Variants in JMY observed in about 807,000 individuals in gnomAD.
JMY encodes junction-mediating and -regulatory protein.
JMY carries 46 observed loss-of-function variants against 103.3 expected under a neutral mutation model. That is an observed-to-expected ratio of 0.45 (90% CI 0.35 to 0.57). The LOEUF (loss-of-function observed/expected upper bound fraction) is 0.57. Among genes scored for constraint, JMY ranks in the 20% least tolerant of loss-of-function variants. JMY has a pLI of 0.00. For synonymous variants in JMY, 526 were observed against 489.3 expected (o/e 1.07, Z -0.99); for missense variants, 1,238 against 1,255.2 (o/e 0.99, Z 0.21).
rs1391551339 is a variant in JMY at position 79,326,617 on chromosome 5, A to G, written c.*5015A>G. The G allele has an allele frequency of 6.6e-6, 1 of 152,210 alleles. No homozygotes were observed. The highest frequency in any genetic ancestry group is 1.5e-5 in the Non-Finnish European group (1 of 68,020). The allele number at this position is 152,210 out of a possible 1,614,324, so 9.4% of individuals were successfully genotyped here. ...GTGTGCAAACTATAATATGTAGTTA[A>G]TGAAAAATGGAAGGCTGCAGATTAT... On this transcript the variant is annotated 3_prime_UTR_variant, in exon 11 of 11. Transcript: ENST00000396137.
intron 1 of JMY, among the ~76,000 whole-genome samples, chr5:79,258,319 T>TG (rs1362353406): frequency 6.7e-6 from 1 of 148,776 alleles, no homozygotes; most frequent in Admixed American, 6.7e-5. Flanking sequence ...TTGTTGTTTT[T>TG]TTTTTTTTTT....
At position 79,314,641 on chromosome 5, in the gene JMY, C is replaced by CCCG; in HGVS notation, c.2450_2451insCGC (p.Pro817_Pro818insAla). 1 of 1,267,702 alleles carries CCCG rather than the reference C, an allele frequency of 7.9e-7. No individual in the cohort carries two copies. Among genetic ancestry groups the CCCG allele is most frequent in the Non-Finnish European group, 1.1e-6 (1 of 890,060 alleles). 78.5% of individuals were successfully genotyped at this position (1,267,702 alleles called of 1,614,324 possible). On this transcript the variant is annotated inframe_insertion, in exon 9 of 11. Transcript: ENST00000396137. ...TCCAACACCACCACCTCCCCCACCT[C>CCCG]CTCCCCCTCCCCCACCACCACCACC...
rs1413215842 is a variant in JMY at position 79,236,857 on chromosome 5, G to C, written c.207G>C (p.Glu69Asp). The change falls in exon 1 of 11, where the codon GAG becomes GAC. Residue 69 changes from glutamate to aspartate, a missense_variant. Coordinates refer to ENST00000396137, the MANE Select transcript of JMY (RefSeq NM_152405.5). ...AAGCGGGGGCGCGAGGGGGCGCCGA[G>C]GCCGGCGGAGCTGCGTCCGACGGGA... is the stretch of plus-strand genomic sequence containing the variant. ...REQAGARGGA[E>D]AGGAASDGSR... The C allele has an allele frequency of 7.6e-6, 11 of 1,447,132 alleles. No homozygotes were observed. The highest frequency in any genetic ancestry group is 1.0e-5 in the Non-Finnish European group (11 of 1,094,274). The allele number at this position is 1,447,132 out of a possible 1,614,324, so 89.6% of individuals were successfully genotyped here.
chr5:79,242,494 A>C (rs533918046), intron 1 of JMY, among the ~76,000 whole-genome samples: 1 of 152,284 alleles, frequency 6.6e-6, no homozygotes, highest in East Asian at 1.9e-4. Flanking sequence ...TTTATTATTC[A>C]CTATCTGCTG....
chr5:79,315,366 A>T (rs925220361), intron 9 of JMY, among the ~76,000 whole-genome samples: 44 of 151,770 alleles, frequency 2.9e-4, no homozygotes, highest in Non-Finnish European at 8.8e-5. Context: ...TTTTTTTCTA[A>T]TTTTTTTTGT....
chr5:79,257,537 G>A lies in JMY; in HGVS notation c.1032+19855G>A, dbSNP rs563119979. On this transcript the variant is annotated intron_variant, in intron 1 of 10. Transcript: ENST00000396137. ...AGGATCACCTGAAACCAGGAATGTC[G>A]AGGCTGCAGTAGGCCATGATTGCAC... Among the ~76,000 whole-genome samples the A allele has an allele frequency of 1.1e-4, 17 of 152,244 alleles. No individual in the cohort carries two copies. In the East Asian group the frequency reaches 1.5e-3, roughly 14 times the overall value.
chr5:79,240,208 G>A (rs999417014), intron 1 of JMY, among the ~76,000 whole-genome samples: 2 of 151,782 alleles, frequency 1.3e-5, no homozygotes, highest in African/African-American at 2.4e-5. Context: ...TAGAGATGGG[G>A]TTTTACCATG....
intron 7 of JMY, among the ~76,000 whole-genome samples, chr5:79,311,954 T>C (rs1208722104): frequency 6.6e-6 from 1 of 152,062 alleles, no homozygotes; most frequent in African/African-American, 2.4e-5. Context: ...GTAGCTGGGA[T>C]TACAGGCATG....
intron 6 of JMY, among the ~76,000 whole-genome samples, chr5:79,302,495 C>CT (rs1275171534): frequency 6.6e-6 from 1 of 152,138 alleles, no homozygotes; most frequent in East Asian, 1.9e-4. Flanking sequence ...AGAGATGACA[C>CT]TTGTACTGGC....
At chr5:79,291,382 C>A in intron 4 of JMY, 83 bp downstream of exon 4, 3 of 1,198,886 alleles carry the variant, frequency 2.5e-6, no homozygotes, top group Non-Finnish European at 3.4e-6. Context: ...TTTTTTGATT[C>A]GATAGGCAGT....
rs1561314886 is a variant in JMY at position 79,312,461 on chromosome 5, GAC to G, written c.2029_2030del (p.Gln677GlufsTer5). 1 of 1,582,492 alleles carries G rather than the reference GAC, an allele frequency of 6.3e-7. No homozygotes were observed. The highest frequency in any genetic ancestry group is 8.6e-7 in the Non-Finnish European group (1 of 1,167,632). On this transcript the variant is annotated frameshift_variant, in exon 8 of 11. Coordinates refer to ENST00000396137, the MANE Select transcript of JMY (RefSeq NM_152405.5). LOFTEE classifies it high-confidence loss of function. ...AAAAGTGCCTGGGTTAGCCAAGAGAGACAGAGAACACTGGATAGACTTCGAAC... is the reference window on the plus strand; with the variant it reads ...AAAAGTGCCTGGGTTAGCCAAGAGAGAGAGAACACTGGATAGACTTCGAAC...
At chr5:79,254,250 C>T (rs910824563) in intron 1 of JMY, among the ~76,000 whole-genome samples, 1 of 152,124 alleles carries the variant, frequency 6.6e-6, no homozygotes, top group African/African-American at 2.4e-5. Context: ...AGCCATCACG[C>T]CCCAGCTTGG....
intron 1 of JMY, among the ~76,000 whole-genome samples, chr5:79,242,818 CTG>C (rs1375580895): frequency 6.7e-6 from 1 of 148,876 alleles, no homozygotes; most frequent in East Asian, 2.0e-4. Flanking sequence ...GTGTCTCACT[CTG>C]TTGCCCAGGC....
At chr5:79,316,703 C>G (rs1170904744) in intron 10 of JMY, among the ~76,000 whole-genome samples, 1 of 151,744 alleles carries the variant, frequency 6.6e-6, no homozygotes, top group Admixed American at 6.6e-5. Flanking sequence ...GTCAGGAGTT[C>G]AAGACTAGCC....
intron 1 of JMY, among the ~76,000 whole-genome samples, chr5:79,266,103 C>T (rs1745581307): frequency 6.6e-6 from 1 of 152,150 alleles, no homozygotes; most frequent in South Asian, 2.1e-4. Flanking sequence ...GCTTTCATCA[C>T]AAGCAAAATC....
intron 1 of JMY, among the ~76,000 whole-genome samples, chr5:79,247,976 T>TC (rs1463894161): frequency 2.0e-5 from 3 of 151,894 alleles, no homozygotes; most frequent in African/African-American, 7.3e-5. Flanking sequence ...CACTGCAACC[T>TC]CCACCTCCCA....
At chr5:79,254,907 C>G (rs902132111) in intron 1 of JMY, among the ~76,000 whole-genome samples, 1 of 151,308 alleles carries the variant, frequency 6.6e-6, no homozygotes, top group Non-Finnish European at 1.5e-5. Context: ...TCTGCTTGAT[C>G]AGTTCTGTCA....
chr5:79,240,467 G>A (rs1744702676), intron 1 of JMY, among the ~76,000 whole-genome samples: 1 of 151,880 alleles, frequency 6.6e-6, no homozygotes, highest in Non-Finnish European at 1.5e-5. Flanking sequence ...CCGCTACCAT[G>A]CCTGGCTAAT....
At chr5:79,245,991 A>G (rs1744888590) in intron 1 of JMY, among the ~76,000 whole-genome samples, 1 of 152,164 alleles carries the variant, frequency 6.6e-6, no homozygotes, top group African/African-American at 2.4e-5. Flanking sequence ...TAATATTGCT[A>G]GTGTTTTTAG....
Sources: gnomAD v4.1 joint callset for allele counts (sites outside exome capture counted in the v4.1 genomes callset) on GRCh38, gnomAD v4.1.1 for gene constraint, MANE v1.5 for transcripts, NCBI Gene and HGNC (gene_info 2026-07-23, HGNC 2026-07-21) for gene names.